Variants in CEP350 observed in about 807,000 individuals in gnomAD.
CEP350 encodes centrosome-associated protein 350.
Under a neutral mutation model 331.8 loss-of-function variants are expected in CEP350, and 126 were observed. That is an observed-to-expected ratio of 0.38 (90% confidence interval 0.33 to 0.44). The LOEUF is 0.44. Ranked by LOEUF, CEP350 falls within the 20% of genes least tolerant of loss-of-function variation. The pLI is 1.00. For missense variants in CEP350, 3,406 were observed against 3,634.6 expected, an observed-to-expected ratio of 0.94 and a Z score of 1.62; for synonymous variants, 1,200 against 1,259.5, an observed-to-expected ratio of 0.95 and a Z score of 1.00.
intron 3 of CEP350, among the ~76,000 whole-genome samples, chr1:179,989,151 G>A (rs1046711278): frequency 6.6e-6 from 1 of 151,892 alleles, no homozygotes; most frequent in African/African-American, 2.4e-5. Flanking sequence ...AATACATTGG[G>A]ATGCAAAAAT....
At chr1:180,017,857 T>C (rs1163607590) in intron 11 of CEP350, among the ~76,000 whole-genome samples, 2 of 152,354 alleles carry the variant, frequency 1.3e-5, no homozygotes, top group East Asian at 3.9e-4. Context: ...ACAAACACTT[T>C]CCTTGGCTAG....
At chr1:180,021,654 C>CTCA (rs1655332012) in intron 12 of CEP350, among the ~76,000 whole-genome samples, 1 of 128,600 alleles carries the variant, frequency 7.8e-6, no homozygotes, top group Non-Finnish European at 1.7e-5. Context: ...CGAGACTCCT[C>CTCA]AAAAAAAAAA....
chr1:179,977,483 C>T (rs760765601), intron 1 of CEP350, among the ~76,000 whole-genome samples: 14 of 152,062 alleles, frequency 9.2e-5, no homozygotes, highest in Non-Finnish European at 1.9e-4. Flanking sequence ...AGGACTCCAG[C>T]CAAATTGGTA....
intron 14 of CEP350, among the ~76,000 whole-genome samples, chr1:180,027,474 A>G (rs766690440): frequency 1.9e-4 from 29 of 152,136 alleles, no homozygotes; most frequent in African/African-American, 3.9e-4. Context: ...TAGCCTCAAC[A>G]TCCTGGGCTC....
intron 1 of CEP350, among the ~76,000 whole-genome samples, chr1:179,975,641 T>C (rs912464580): frequency 2.0e-5 from 3 of 152,084 alleles, no homozygotes; most frequent in Non-Finnish European, 4.4e-5. Flanking sequence ...GTGGGAGAGA[T>C]AGGAATGTCA....
chr1:179,983,069 G>A (rs995740165), intron 1 of CEP350, among the ~76,000 whole-genome samples: 3 of 151,166 alleles, frequency 2.0e-5, no homozygotes, highest in Admixed American at 1.3e-4. Context: ...GATTACAGGC[G>A]TGAGCCACCG....
rs763995141 is a variant in CEP350, at chr1:180,014,242, C to T, written c.1789C>T (p.Arg597Ter). The change falls in exon 10 of 38, where the codon CGA (arginine) becomes TGA (stop). Residue 597 changes from arginine (R) to a stop codon, truncating the protein, a stop_gained. Transcript: ENST00000367607. LOFTEE classifies it high-confidence loss of function. ...GCGCCACTATGACACAGATGAGGTA[C>T]GACAGTACATTGTTAGGCAGCAGGA... is the stretch of plus-strand genomic sequence containing the variant. ...KRRHYDTDEV[R>*]QYIVRQQEER... is the part of the protein sequence containing the mutation. The T allele has an allele frequency of 6.8e-6, 11 of 1,609,552 alleles. No homozygotes were observed. Among genetic ancestry groups the T allele is most frequent in the Admixed American group, 1.7e-5 (1 of 59,206 alleles).
intron 1 of CEP350, among the ~76,000 whole-genome samples, chr1:179,957,384 G>T (rs1403035045): frequency 6.6e-6 from 1 of 152,112 alleles, no homozygotes; most frequent in African/African-American, 2.4e-5. Flanking sequence ...AGATTGCATA[G>T]TATTTTTTTC....
chr1:180,019,463 C>T (rs12125893), intron 11 of CEP350, among the ~76,000 whole-genome samples: 18,197 of 152,052 alleles, frequency 0.12, 1,173 homozygotes, highest in South Asian at 0.16. Flanking sequence ...CATAAGTGTT[C>T]AGCATATAGT....
At chr1:180,063,947 C>G (rs1242014476) in intron 26 of CEP350, among the ~76,000 whole-genome samples, 1 of 152,134 alleles carries the variant, frequency 6.6e-6, no homozygotes, top group East Asian at 1.9e-4. Context: ...AGAAAAATGT[C>G]AAACAGTACA....
chr1:180,093,989 T>A lies in CEP350; in HGVS notation c.7884T>A (p.Asn2628Lys). The change falls in exon 34 of 38, where the codon AAT becomes AAA. Residue 2628 changes from asparagine (N) to lysine (K), a missense_variant. Coordinates refer to ENST00000367607, the MANE Select transcript of CEP350 (RefSeq NM_014810.5). ...PSVNDIEASVNRSRSLKIETD... is the reference protein window; with the variant it reads ...PSVNDIEASVKRSRSLKIETD... ...TGAATGATATAGAAGCCTCAGTTAA[T>A]AGAAGTAGAAGCCTTAAAATAGAAA... The A allele has an allele frequency of 6.2e-7, 1 of 1,613,840 alleles. No individual in the cohort carries two copies. The highest frequency in any genetic ancestry group is 8.5e-7 in the Non-Finnish European group (1 of 1,179,814).
intron 22 of CEP350, among the ~76,000 whole-genome samples, chr1:180,052,593 C>A (rs1314293198): frequency 3.3e-5 from 5 of 150,102 alleles, no homozygotes; most frequent in Non-Finnish European, 7.4e-5. Flanking sequence ...ATTTTTACTT[C>A]ATTTCTTTGA....
intron 1 of CEP350, among the ~76,000 whole-genome samples, chr1:179,977,320 C>G (rs1376260107): frequency 6.6e-6 from 1 of 152,084 alleles, no homozygotes; most frequent in Admixed American, 6.5e-5. Flanking sequence ...AATTTGTGAT[C>G]AGTTGTTTTG....
At position 180,113,372 on chromosome 1, in the gene CEP350, T is replaced by C. The variant is rs1309361042; in HGVS notation, c.*2211T>C. On this transcript the variant is annotated 3_prime_UTR_variant, in exon 38 of 38. Coordinates refer to ENST00000367607, the MANE Select transcript of CEP350 (RefSeq NM_014810.5). Reference sequence around the variant, plus strand: ...TTTATCTTTACTCTTTCTGAAATTATGACTCCAGAAAAAGAAAAAAAAAAT... The same window carrying C: ...TTTATCTTTACTCTTTCTGAAATTACGACTCCAGAAAAAGAAAAAAAAAAT... 6.6e-6 allele frequency: 1 copy of C among 152,034 alleles called. No homozygotes were observed. Among genetic ancestry groups the C allele is most frequent in the Non-Finnish European group, 1.5e-5 (1 of 68,016 alleles). 9.4% of individuals were successfully genotyped at this position (152,034 alleles called of 1,614,324 possible).
At chr1:180,027,060 C>T (rs73034469) in intron 14 of CEP350, among the ~76,000 whole-genome samples, 2,555 of 152,314 alleles carry the variant, frequency 0.017, 72 homozygotes, top group African/African-American at 0.058. Context: ...TACCATTTTA[C>T]TTTCCCACCA....
At chr1:179,975,354 T>C (rs1199358571) in intron 1 of CEP350, among the ~76,000 whole-genome samples, 1 of 152,194 alleles carries the variant, frequency 6.6e-6, no homozygotes, top group Non-Finnish European at 1.5e-5. Context: ...TGATAGTCAT[T>C]GAAGAGTTAT....
chr1:180,015,486 G>A (rs1218980206), intron 10 of CEP350, among the ~76,000 whole-genome samples: 6 of 151,872 alleles, frequency 4.0e-5, no homozygotes, highest in Non-Finnish European at 7.4e-5. Flanking sequence ...CGCCCGCCTC[G>A]GCCTCCCAAA....
chr1:179,955,123 G>A lies in CEP350; in HGVS notation c.-33G>A. On this transcript the variant is annotated 5_prime_UTR_variant, in exon 1 of 38. Coordinates refer to ENST00000367607, the MANE Select transcript of CEP350 (RefSeq NM_014810.5). ...CGCGGGATGCACCGTGGTAGCCGAG[G>A]GCGGAGGCGACACTCTCAGGTGAGC... The A allele has an allele frequency of 6.8e-7, 1 of 1,473,772 alleles. No homozygotes were observed. Among genetic ancestry groups the A allele is most frequent in the Non-Finnish European group, 9.0e-7 (1 of 1,114,412 alleles). The allele number at this position is 1,473,772 out of a possible 1,614,324, so 91.3% of individuals were successfully genotyped here. A position where few individuals can be genotyped will look rare whatever the true frequency, so the allele number is the denominator to read the frequency against.
intron 8 of CEP350, among the ~76,000 whole-genome samples, chr1:180,011,011 T>G (rs1654618296): frequency 6.6e-6 from 1 of 152,162 alleles, no homozygotes; most frequent in Non-Finnish European, 1.5e-5. Flanking sequence ...TCTTTTTAAG[T>G]CACTGTCTAT....
Sources: gnomAD v4.1 joint callset for allele counts (sites outside exome capture counted in the v4.1 genomes callset) on GRCh38, gnomAD v4.1.1 for gene constraint, MANE v1.5 for transcripts, NCBI Gene and HGNC (gene_info 2026-07-23, HGNC 2026-07-21) for gene names.